Variants in DUSP16 observed in about 807,000 individuals in gnomAD.
DUSP16 encodes dual specificity phosphatase 16, also known as dual specificity protein phosphatase 16.
DUSP16 carries 21 observed loss-of-function variants against 58.3 expected under a neutral mutation model. The ratio of observed to expected loss-of-function variants is 0.36; its 90% CI spans 0.26 to 0.52. The LOEUF (loss-of-function observed/expected upper bound fraction) is 0.52, where lower values mean the gene tolerates loss of function less well. Among genes scored for constraint, DUSP16 ranks in the 20% least tolerant of loss-of-function variants. The pLI, the probability that DUSP16 is intolerant of heterozygous loss-of-function variation, is 0.94. For synonymous variants in DUSP16, 320 were observed against 323.8 expected (o/e 0.99, Z 0.12); for missense variants, 726 against 819.0 (o/e 0.89, Z 1.39).
intron 2 of DUSP16, 149 bp from the exon 3 acceptor site, chr12:12,520,149 T>A: frequency 2.4e-6 from 2 of 850,118 alleles, no homozygotes; most frequent in Non-Finnish European, 3.6e-6. Flanking sequence ...TGTAGTCAAT[T>A]TACGAGACAG....
intron 6 of DUSP16, among the ~76,000 whole-genome samples, chr12:12,479,668 C>T (rs995580487): frequency 6.6e-6 from 1 of 152,164 alleles, no homozygotes; most frequent in Admixed American, 6.5e-5. Context: ...CCCAACGATA[C>T]ATGCAGGGGA....
chr12:12,511,278 G>A (rs1944076216), intron 3 of DUSP16, among the ~76,000 whole-genome samples: 1 of 152,088 alleles, frequency 6.6e-6, no homozygotes. Flanking sequence ...CGAAGAGGTT[G>A]GAAGAAAGAT....
At chr12:12,549,393 T>C (rs1248004363) in intron 1 of DUSP16, among the ~76,000 whole-genome samples, 2 of 152,148 alleles carry the variant, frequency 1.3e-5, no homozygotes, top group African/African-American at 2.4e-5. Flanking sequence ...GTCCCATTCT[T>C]CCAGGCCCAG....
At chr12:12,504,043 G>A (rs762545300) in intron 3 of DUSP16, among the ~76,000 whole-genome samples, 14 of 152,136 alleles carry the variant, frequency 9.2e-5, no homozygotes, top group Non-Finnish European at 1.9e-4. Context: ...GTTTCTATTC[G>A]TGTTTTGTTC....
At chr12:12,478,534 C>T (rs1196767811) in intron 6 of DUSP16, among the ~76,000 whole-genome samples, 4 of 152,126 alleles carry the variant, frequency 2.6e-5, no homozygotes, top group African/African-American at 9.7e-5. Flanking sequence ...AAGGGTCTCA[C>T]TGTGTTGCCC....
intron 4 of DUSP16, among the ~76,000 whole-genome samples, chr12:12,490,296 T>C (rs1943743494): frequency 6.6e-6 from 1 of 152,154 alleles, no homozygotes; most frequent in Non-Finnish European, 1.5e-5. Context: ...ATTTTTAGCT[T>C]AAAAGGTCTA....
intron 3 of DUSP16, among the ~76,000 whole-genome samples, chr12:12,503,886 A>G (rs16908188): frequency 0.064 from 9,702 of 152,278 alleles, 442 homozygotes; most frequent in East Asian, 0.18. Flanking sequence ...TCACACTTAC[A>G]AAATGCTACG....
At chr12:12,552,115 T>C (rs1944736902) in intron 1 of DUSP16, among the ~76,000 whole-genome samples, 2 of 152,184 alleles carry the variant, frequency 1.3e-5, no homozygotes, top group African/African-American at 4.8e-5. Flanking sequence ...GTACACAAAA[T>C]TCACTGACAT....
At chr12:12,496,195 T>C (rs886218506) in intron 4 of DUSP16, among the ~76,000 whole-genome samples, 4 of 152,226 alleles carry the variant, frequency 2.6e-5, no homozygotes, top group African/African-American at 7.2e-5. Flanking sequence ...TCTAACCAAC[T>C]TGAACACTGT....
In DUSP16 at chr12:12,474,583, G is replaced by A. The variant is rs953255799; in HGVS notation, c.*2250C>T. ...CCGAGGCCACCCCTTCGCCACGGCA[G>A]TCTCGATTCCAAGAACTGATTATCT... On this transcript the variant is annotated 3_prime_UTR_variant, in exon 7 of 7. Coordinates refer to ENST00000298573, the MANE Select transcript of DUSP16 (RefSeq NM_030640.3). 2.0e-5 allele frequency: 3 copies of A among 152,334 alleles called. No homozygotes were observed. Among genetic ancestry groups the A allele is most frequent in the Non-Finnish European group, 2.9e-5 (2 of 68,054 alleles). 9.4% of individuals were successfully genotyped at this position (152,334 alleles called of 1,614,324 possible).
At chr12:12,510,476 T>A (rs1298429670) in intron 3 of DUSP16, among the ~76,000 whole-genome samples, 3 of 152,190 alleles carry the variant, frequency 2.0e-5, no homozygotes, top group African/African-American at 7.2e-5. Context: ...CTTCTGTATA[T>A]TCCACTCTGT....
At chr12:12,561,323 T>C (rs370979243) in intron 1 of DUSP16, among the ~76,000 whole-genome samples, 1 of 152,212 alleles carries the variant, frequency 6.6e-6, no homozygotes, top group African/African-American at 2.4e-5. Flanking sequence ...TTTCCTAAAC[T>C]TCTTTAGGAT....
intron 3 of DUSP16, among the ~76,000 whole-genome samples, chr12:12,501,671 G>A (rs564462925): frequency 4.6e-5 from 7 of 152,176 alleles, no homozygotes; most frequent in Admixed American, 1.3e-4. Context: ...TTTGGATGAC[G>A]GGATCCTCGT....
At chr12:12,483,392 CT>C (rs143712384) in intron 5 of DUSP16, among the ~76,000 whole-genome samples, 34 of 151,770 alleles carry the variant, frequency 2.2e-4, no homozygotes, top group African/African-American at 7.3e-4. Context: ...TTTTGGTTTA[CT>C]TTTTTTCTTT....
rs141028377 is a variant in DUSP16, at chr12:12,512,256, G to A, written c.367+7606C>T. On this transcript the variant is annotated intron_variant, in intron 3 of 6. Coordinates refer to ENST00000298573, the MANE Select transcript of DUSP16 (RefSeq NM_030640.3). The stretch of plus-strand genomic sequence containing the variant: ...AACAAAAATTTTATCTGTTTAAGGT[G>A]TACAGCATGATGATGTGATATACAT... 4.1e-3 allele frequency among the ~76,000 whole-genome samples: 629 copies of A among 152,286 alleles called. 4 individuals carry two copies. Among genetic ancestry groups the A allele is most frequent in the African/African-American group, 0.014 (584 of 41,554 alleles).
In DUSP16 at chr12:12,521,358, C is replaced by T. The variant is rs566064932; in HGVS notation, c.-260G>A. 347 of 1,352,172 alleles carry T rather than the reference C, an allele frequency of 2.6e-4. 1 individual carries two copies. The highest frequency in any genetic ancestry group is 3.0e-4 in the Non-Finnish European group (315 of 1,049,552). The allele number at this position is 1,352,172 out of a possible 1,614,324, so 83.8% of individuals were successfully genotyped here. A position where few individuals can be genotyped will look rare whatever the true frequency, so the allele number is the denominator to read the frequency against. Reference sequence around the variant, plus strand: ...TCACATTTGATTCATAAAGAGATGACTGGAATAACCATTCCACAACAAAAG... The same window carrying T: ...TCACATTTGATTCATAAAGAGATGATTGGAATAACCATTCCACAACAAAAG... On this transcript the variant is annotated 5_prime_UTR_variant, in exon 2 of 7. Transcript: ENST00000298573.
chr12:12,521,154 A>C lies in DUSP16; in HGVS notation c.-56T>G. 6.3e-7 allele frequency: 1 copy of C among 1,581,202 alleles called. No individual in the cohort carries two copies. The highest frequency in any genetic ancestry group is 8.6e-7 in the Non-Finnish European group (1 of 1,163,564). On this transcript the variant is annotated 5_prime_UTR_variant, in exon 2 of 7. Transcript: ENST00000298573. Reference sequence around the variant, plus strand: ...TTCTTTAATTTGCCACGATGATGTAATGGTGGTGTGCTCAAAGGCTCAGCC... The same window carrying C: ...TTCTTTAATTTGCCACGATGATGTACTGGTGGTGTGCTCAAAGGCTCAGCC...
chr12:12,501,241 G>T (rs117669383), intron 3 of DUSP16, among the ~76,000 whole-genome samples: 2 of 152,122 alleles, frequency 1.3e-5, no homozygotes, highest in South Asian at 2.1e-4. Flanking sequence ...GATTCCCTGG[G>T]CAGTTAGTCA....
chr12:12,542,117 C>T (rs1944568273), intron 1 of DUSP16, among the ~76,000 whole-genome samples: 1 of 152,124 alleles, frequency 6.6e-6, no homozygotes, highest in African/African-American at 2.4e-5. Flanking sequence ...TGGCTCACAC[C>T]TGTAATCCCA....
Sources: gnomAD v4.1 joint callset for allele counts (sites outside exome capture counted in the v4.1 genomes callset) on GRCh38, gnomAD v4.1.1 for gene constraint, MANE v1.5 for transcripts, NCBI Gene and HGNC (gene_info 2026-07-23, HGNC 2026-07-21) for gene names.